Variants in MRRF observed in about 807,000 individuals in gnomAD.
The protein encoded by MRRF is ribosome-recycling factor, mitochondrial.
A neutral mutation model predicts 25.1 loss-of-function variants in MRRF; 18 were observed. The ratio of observed to expected loss-of-function variants is 0.72; its 90% confidence interval spans 0.50 to 1.06. The LOEUF (loss-of-function observed/expected upper bound fraction) is 1.06, where lower values mean the gene tolerates loss of function less well. MRRF is among the 50% of genes least tolerant of loss of function. The probability of loss-of-function intolerance (pLI) is 0.00; values close to 1 mark genes in which losing one functional copy is unlikely to be tolerated. For missense variants in MRRF, 323 were observed against 319.3 expected (o/e 1.01, Z -0.09); for synonymous variants, 113 against 112.1 (o/e 1.01, Z -0.05).
intron 5 of MRRF, among the ~76,000 whole-genome samples, chr9:122,304,880 T>C (rs1749875470): frequency 6.6e-6 from 1 of 151,992 alleles, no homozygotes; most frequent in Non-Finnish European, 1.5e-5. Flanking sequence ...TCAAATCCTG[T>C]GTCTGCCAAG....
At chr9:122,309,263 ATAT>A (rs1202177945) in intron 5 of MRRF, among the ~76,000 whole-genome samples, 6 of 152,198 alleles carry the variant, frequency 3.9e-5, no homozygotes, top group Non-Finnish European at 7.3e-5. Context: ...AGGCTCAATA[ATAT>A]TATATGCATA....
At chr9:122,306,682 A>G (rs961260764) in intron 5 of MRRF, among the ~76,000 whole-genome samples, 2 of 152,160 alleles carry the variant, frequency 1.3e-5, no homozygotes, top group Non-Finnish European at 2.9e-5. Flanking sequence ...GCTTTTTCGC[A>G]TGTATGATGG....
intron 6 of MRRF, among the ~76,000 whole-genome samples, chr9:122,317,506 TCTGA>T (rs1835609478): frequency 6.6e-6 from 1 of 152,196 alleles, no homozygotes; most frequent in Non-Finnish European, 1.5e-5. Flanking sequence ...TCTATAAATT[TCTGA>T]CTGTGGGAAG....
At chr9:122,291,517 A>C (rs1387114241) in intron 4 of MRRF, among the ~76,000 whole-genome samples, 1 of 151,796 alleles carries the variant, frequency 6.6e-6, no homozygotes, top group African/African-American at 2.4e-5. Flanking sequence ...TTTTCTTTTT[A>C]TTTTTTCTTC....
rs1282414939 is a variant in MRRF at position 122,285,995 on chromosome 9, G to A, written c.459+708G>A. ...TCTTTGAAGCTTTATGATTTTAAGT[G>A]TAGTTGAAGAAGGTAATTGGGCTTT... On this transcript the variant is annotated intron_variant, in intron 4 of 6. Coordinates refer to ENST00000344641, the MANE Select transcript of MRRF (RefSeq NM_138777.5). The A allele has an allele frequency of 3.8e-6, 5 of 1,303,798 alleles. 1 individual carries two copies. The South Asian group carries it at 6.2e-5, about 16-fold the overall frequency. 80.8% of individuals were successfully genotyped at this position (1,303,798 alleles called of 1,614,324 possible). A position where few individuals can be genotyped will look rare whatever the true frequency, so the allele number is the denominator to read the frequency against.
At position 122,323,224 on chromosome 9, in the gene MRRF, C is replaced by T. The variant is rs1835991384; in HGVS notation, c.*607C>T. On this transcript the variant is annotated 3_prime_UTR_variant, in exon 7 of 7. Coordinates refer to ENST00000344641, the MANE Select transcript of MRRF (RefSeq NM_138777.5). Reference sequence around the variant, plus strand: ...TCTTCCCCTCCTTACCTGGCCAGTCCTGTTTATCATCAGGCCTTGTCTTGG... The same window carrying T: ...TCTTCCCCTCCTTACCTGGCCAGTCTTGTTTATCATCAGGCCTTGTCTTGG... 6.3e-6 allele frequency: 1 copy of T among 159,470 alleles called. No individual in the cohort carries two copies. Among genetic ancestry groups the T allele is most frequent in the African/African-American group, 2.4e-5 (1 of 41,488 alleles). 9.9% of individuals were successfully genotyped at this position (159,470 alleles called of 1,614,324 possible). A position where few individuals can be genotyped will look rare whatever the true frequency, so the allele number is the denominator to read the frequency against.
At chr9:122,313,827 G>A (rs1835353110) in intron 6 of MRRF, among the ~76,000 whole-genome samples, 1 of 152,210 alleles carries the variant, frequency 6.6e-6, no homozygotes, top group African/African-American at 2.4e-5. Context: ...TGTTCTCAGT[G>A]TGCTGAGTAG....
rs960023482 is a variant in MRRF, at chr9:122,291,739, T to C, written c.460-10T>C. ...TACTAATTCTGTTTACCTTTTGATC[T>C]GGTTTTCAGTGTACAGCTGCAGCTA... On this transcript the variant is annotated splice_polypyrimidine_tract_variant and intron_variant, in intron 4 of 6. Transcript: ENST00000344641. 6 of 1,597,114 alleles carry C rather than the reference T, an allele frequency of 3.8e-6. No individual in the cohort carries two copies. In the African/African-American group the frequency reaches 6.7e-5, roughly 18 times the overall value.
Position 122,328,865 on chromosome 9 carries a change from T to C in MRRF, c.*6248T>C, listed in dbSNP as rs574710683. The stretch of plus-strand genomic sequence containing the variant: ...TCTCTCTCTCTCTCTCTTTTTTTTT[T>C]AATAAGAGATGAGGGGTCTCCCTAT... On this transcript the variant is annotated 3_prime_UTR_variant, in exon 7 of 7. Transcript: ENST00000344641. 6.6e-6 allele frequency: 1 copy of C among 151,988 alleles called. No homozygotes were observed. The highest frequency in any genetic ancestry group is 2.4e-5 in the African/African-American group (1 of 41,344). The allele number at this position is 151,988 out of a possible 1,614,324, so 9.4% of individuals were successfully genotyped here. A position where few individuals can be genotyped will look rare whatever the true frequency, so the allele number is the denominator to read the frequency against.
chr9:122,268,604 C>T (rs1213946888), intron 1 of MRRF, among the ~76,000 whole-genome samples: 2 of 152,214 alleles, frequency 1.3e-5, no homozygotes, highest in African/African-American at 4.8e-5. Context: ...TCAGTTTCAG[C>T]ATCTGTAAAA....
At chr9:122,278,824 G>C (rs1456358814) in intron 2 of MRRF, among the ~76,000 whole-genome samples, 1 of 151,818 alleles carries the variant, frequency 6.6e-6, no homozygotes, top group East Asian at 1.9e-4. Context: ...AACATGTCTA[G>C]GTGTGAATTT....
intron 1 of MRRF, among the ~76,000 whole-genome samples, chr9:122,266,747 A>G (rs547423760): frequency 9.9e-5 from 15 of 152,220 alleles, no homozygotes; most frequent in Non-Finnish European, 1.9e-4. Context: ...GAACAGGGAA[A>G]TCGTTTGAGA....
chr9:122,307,434 C>CT (rs1834922938), intron 5 of MRRF, among the ~76,000 whole-genome samples: 1 of 152,226 alleles, frequency 6.6e-6, no homozygotes, highest in Non-Finnish European at 1.5e-5. Context: ...TCTCTGCTCA[C>CT]TATCTGCTCA....
intron 5 of MRRF, among the ~76,000 whole-genome samples, chr9:122,298,639 T>A (rs1834239057): frequency 6.6e-6 from 1 of 152,208 alleles, no homozygotes; most frequent in African/African-American, 2.4e-5. Context: ...TCTAGGACAT[T>A]CGTAAATTTA....
At chr9:122,268,311 T>C (rs886240556) in intron 1 of MRRF, among the ~76,000 whole-genome samples, 1 of 152,232 alleles carries the variant, frequency 6.6e-6, no homozygotes, top group Non-Finnish European at 1.5e-5. Context: ...CCCATTTTGA[T>C]TTCCTGTTGC....
At chr9:122,302,397 C>T (rs1834530854) in intron 5 of MRRF, among the ~76,000 whole-genome samples, 1 of 152,204 alleles carries the variant, frequency 6.6e-6, no homozygotes, top group African/African-American at 2.4e-5. Flanking sequence ...TACTAATCCA[C>T]TTTTCTATCT....
Position 122,313,403 on chromosome 9 carries a change from T to C in MRRF, c.711+17T>C, listed in dbSNP as rs1486093765. 18 of 1,612,708 alleles carry C rather than the reference T, an allele frequency of 1.1e-5. No homozygotes were observed. Among genetic ancestry groups the C allele is most frequent in the Non-Finnish European group, 1.5e-5 (18 of 1,178,874 alleles). On this transcript the variant is annotated intron_variant, in intron 6 of 6. Coordinates refer to ENST00000344641, the MANE Select transcript of MRRF (RefSeq NM_138777.5). ...GAGAAACAGGTACTATTGCCAGCAA[T>C]GTAGTAGTGTCTGTGTATTCAGCAT...
At chr9:122,286,780 C>T (rs1053384085) in intron 4 of MRRF, among the ~76,000 whole-genome samples, 1 of 152,150 alleles carries the variant, frequency 6.6e-6, no homozygotes, top group Non-Finnish European at 1.5e-5. Flanking sequence ...CATGCTTTGC[C>T]TTTATTGGTG....
At chr9:122,306,647 G>A (rs367975551) in intron 5 of MRRF, among the ~76,000 whole-genome samples, 1 of 152,156 alleles carries the variant, frequency 6.6e-6, no homozygotes, top group East Asian at 1.9e-4. Context: ...TTGGAAATCA[G>A]GTTTGCTTTG....
Sources: gnomAD v4.1 joint callset for allele counts (sites outside exome capture counted in the v4.1 genomes callset) on GRCh38, gnomAD v4.1.1 for gene constraint, MANE v1.5 for transcripts, NCBI Gene and HGNC (gene_info 2026-07-23, HGNC 2026-07-21) for gene names.